Variants in GLRA2 observed in about 807,000 individuals in gnomAD.
GLRA2 encodes glycine receptor subunit alpha-2.
In GLRA2, 11 loss-of-function variants were observed where a neutral mutation model predicts 31.6. The ratio of observed to expected loss-of-function variants is 0.35; its 90% CI spans 0.22 to 0.58. The LOEUF is 0.58. Ranked by LOEUF, GLRA2 falls within the 20% of genes least tolerant of loss-of-function variation. The pLI is 0.84. For missense variants in GLRA2, 212 were observed against 351.8 expected (o/e 0.60, Z 3.18); for synonymous variants, 132 against 134.0 (o/e 0.99, Z 0.10).
rs781531058 is a variant in GLRA2 at position 14,663,061 on chromosome X, CACAAGTAGCT to C, written c.931-27646_931-27637del. Among the ~76,000 whole-genome samples, 320 of 111,227 alleles carry C rather than the reference CACAAGTAGCT, an allele frequency of 2.9e-3. 1 individual carries two copies. The highest frequency in any genetic ancestry group is 9.7e-3 in the African/African-American group (299 of 30,767). The stretch of plus-strand genomic sequence containing the variant: ...TTTCCAGATAGACTGTCATATCATT[CACAAGTAGCT>C]ACCATGTTACCATCTCCTTTCTAAT... On this transcript the variant is annotated intron_variant, in intron 7 of 8. Transcript: ENST00000218075.
At chrX:14,713,955 A>G (rs1678847105) in intron 8 of GLRA2, among the ~76,000 whole-genome samples, 1 of 111,623 alleles carries the variant, frequency 9.0e-6, no homozygotes, top group Non-Finnish European at 1.9e-5. Context: ...AGAAGCCAGC[A>G]GACCATGTAG....
rs780089070 is a variant in GLRA2, at chrX:14,651,381, T to C, written c.931-39329T>C. On this transcript the variant is annotated intron_variant, in intron 7 of 8. Coordinates refer to ENST00000218075, the MANE Select transcript of GLRA2 (RefSeq NM_002063.4). ...GAGAAATTTCAAAGTAAAATTGATA[T>C]TACATTATTATATAATTATTATAAT... Among the ~76,000 whole-genome samples, 19 of 111,709 alleles carry C rather than the reference T, an allele frequency of 1.7e-4. No homozygotes were observed. In the Admixed American group the frequency reaches 1.7e-3, roughly 10 times the overall value.
At chrX:14,591,038 A>G (rs2090139800) in intron 4 of GLRA2, among the ~76,000 whole-genome samples, 1 of 111,640 alleles carries the variant, frequency 9.0e-6, no homozygotes, top group Admixed American at 9.5e-5. Context: ...AGGTCCAGAA[A>G]GTGCGTTGTA....
At chrX:14,723,848 T>C (rs1359701709) in intron 8 of GLRA2, among the ~76,000 whole-genome samples, 1 of 112,402 alleles carries the variant, frequency 8.9e-6, no homozygotes, top group African/African-American at 3.2e-5. Flanking sequence ...TCTCATAGCA[T>C]CTTATAATTT....
chrX:14,638,831 C>A (rs1339666177), intron 7 of GLRA2, among the ~76,000 whole-genome samples: 1 of 111,291 alleles, frequency 9.0e-6, no homozygotes, highest in African/African-American at 3.3e-5. Context: ...ATAAAATTTA[C>A]TAATATTAAA....
chrX:14,449,791 C>T, the GLRA2 span, among the ~76,000 whole-genome samples: 2 of 112,327 alleles, frequency 1.8e-5, no homozygotes, highest in African/African-American at 6.5e-5. Flanking sequence ...ATCACAATAC[C>T]CCAGGATTTG....
chrX:14,653,557 T>C (rs1355105420), intron 7 of GLRA2, among the ~76,000 whole-genome samples: 1 of 112,298 alleles, frequency 8.9e-6, no homozygotes, highest in African/African-American at 3.2e-5. Flanking sequence ...AAAGTCTGAA[T>C]AGATGAGGAG....
intron 3 of GLRA2, among the ~76,000 whole-genome samples, chrX:14,575,557 G>T (rs112116296): frequency 9.1e-6 from 1 of 109,795 alleles, no homozygotes; most frequent in African/African-American, 3.3e-5. Context: ...AAACTCCTGG[G>T]CTCAAACGAT....
the GLRA2 span, among the ~76,000 whole-genome samples, chrX:14,469,042 T>A: frequency 8.9e-6 from 1 of 111,892 alleles, no homozygotes; most frequent in South Asian, 3.8e-4. Flanking sequence ...TTTGTTTGAG[T>A]TCATTGTAGA....
intron 7 of GLRA2, among the ~76,000 whole-genome samples, chrX:14,652,959 C>T: frequency 9.1e-6 from 1 of 109,738 alleles, no homozygotes; most frequent in Non-Finnish European, 1.9e-5. Context: ...GATGTGAATA[C>T]AAAGAAAAAG....
intron 4 of GLRA2, among the ~76,000 whole-genome samples, chrX:14,601,022 T>C (rs1378754552): frequency 3.6e-5 from 4 of 110,450 alleles, no homozygotes; most frequent in South Asian, 3.7e-4. Flanking sequence ...TGTTTGTTTG[T>C]TTACTTTTTT....
At chrX:14,453,419 C>T in the GLRA2 span, among the ~76,000 whole-genome samples, 1 of 111,248 alleles carries the variant, frequency 9.0e-6, no homozygotes, top group East Asian at 2.8e-4. Context: ...CCTTCCAACA[C>T]CAGATAATTA....
At chrX:14,566,436 C>T (rs1353785688) in intron 2 of GLRA2, among the ~76,000 whole-genome samples, 2 of 112,018 alleles carry the variant, frequency 1.8e-5, no homozygotes, top group African/African-American at 6.5e-5. Context: ...CTTGTTAACT[C>T]ATTCTATGAG....
intron 8 of GLRA2, among the ~76,000 whole-genome samples, chrX:14,706,067 C>T (rs2091616358): frequency 2.4e-5 from 1 of 41,061 alleles, no homozygotes; most frequent in Admixed American, 1.9e-4. Flanking sequence ...CCAGACCCCA[C>T]CTCAGACCAT....
the GLRA2 span, among the ~76,000 whole-genome samples, chrX:14,473,916 C>T: frequency 8.9e-6 from 1 of 111,836 alleles, no homozygotes; most frequent in Non-Finnish European, 1.9e-5. Flanking sequence ...GGGAAATTGA[C>T]GTGAACTTAT....
At chrX:14,516,075 C>T in the GLRA2 span, among the ~76,000 whole-genome samples, 1 of 111,775 alleles carries the variant, frequency 8.9e-6, no homozygotes, top group Non-Finnish European at 1.9e-5. Flanking sequence ...CTTTTAAGTT[C>T]CATTTAGAGT....
At chrX:14,665,956 T>C (rs1043735673) in intron 7 of GLRA2, among the ~76,000 whole-genome samples, 1 of 112,086 alleles carries the variant, frequency 8.9e-6, no homozygotes, top group Non-Finnish European at 1.9e-5. Flanking sequence ...GGAAAATCTC[T>C]CAAGCTCTCT....
At chrX:14,582,570 CT>C (rs1226056798) in intron 4 of GLRA2, among the ~76,000 whole-genome samples, 1 of 111,215 alleles carries the variant, frequency 9.0e-6, no homozygotes, top group African/African-American at 3.3e-5. Context: ...TTGGTTATTG[CT>C]GTTCATGAGT....
chrX:14,518,619 G>A, the GLRA2 span, among the ~76,000 whole-genome samples: 1 of 110,958 alleles, frequency 9.0e-6, no homozygotes, highest in Non-Finnish European at 1.9e-5. Flanking sequence ...TTTATGTACT[G>A]TCTAAAACAT....
Sources: allele counts gnomAD v4.1 joint callset (sites outside exome capture counted in the v4.1 genomes callset), GRCh38; gene constraint gnomAD v4.1.1; transcripts MANE v1.5; gene names NCBI Gene and HGNC (gene_info 2026-07-23, HGNC 2026-07-21).